Variants in RUNX2 observed in about 807,000 individuals in gnomAD.
RUNX2 encodes RUNX family transcription factor 2.
RUNX2 carries 10 observed loss-of-function variants against 51.7 expected under a neutral mutation model. That is an observed-to-expected ratio of 0.19 (90% CI 0.12 to 0.33). The LOEUF (loss-of-function observed/expected upper bound fraction) is 0.33, where lower values mean the gene tolerates loss of function less well. RUNX2 is among the 10% of genes least tolerant of loss of function. The pLI is 1.00. For synonymous variants in RUNX2, 276 were observed against 273.6 expected (o/e 1.01, Z -0.09); for missense variants, 562 against 691.3 (o/e 0.81, Z 2.10).
At chr6:45,443,345 C>A (rs1798896307) in intron 5 of RUNX2, among the ~76,000 whole-genome samples, 2 of 152,022 alleles carry the variant, frequency 1.3e-5, no homozygotes, top group African/African-American at 2.4e-5. Flanking sequence ...GCCACTGCAC[C>A]CAAGGATGTT....
intron 5 of RUNX2, among the ~76,000 whole-genome samples, chr6:45,476,998 A>C (rs1472309321): frequency 6.6e-6 from 1 of 152,162 alleles, no homozygotes; most frequent in Non-Finnish European, 1.5e-5. Context: ...ATGGGTATGG[A>C]ATGAATGAAG....
chr6:45,390,197 G>A (rs1243491688), intron 2 of RUNX2, among the ~76,000 whole-genome samples: 1 of 152,124 alleles, frequency 6.6e-6, no homozygotes, highest in Non-Finnish European at 1.5e-5. Flanking sequence ...TGGCTTCTCA[G>A]TAATGTGATA....
chr6:45,337,536 G>T (rs1270493369), intron 2 of RUNX2, among the ~76,000 whole-genome samples: 1 of 151,730 alleles, frequency 6.6e-6, no homozygotes, highest in African/African-American at 2.4e-5. Flanking sequence ...AAGTTCTTTT[G>T]CTACGCCATA....
At chr6:45,443,732 T>C (rs149922679) in intron 5 of RUNX2, among the ~76,000 whole-genome samples, 4 of 152,322 alleles carry the variant, frequency 2.6e-5, no homozygotes, top group African/African-American at 7.2e-5. Context: ...TGGTGCTTGG[T>C]ATTAGCAGAT....
At chr6:45,494,144 C>T (rs1800569972) in intron 6 of RUNX2, among the ~76,000 whole-genome samples, 1 of 152,144 alleles carries the variant, frequency 6.6e-6, no homozygotes, top group African/African-American at 2.4e-5. Flanking sequence ...TAGTAGCATC[C>T]CCGCCTAGCA....
At chr6:45,348,211 A>G (rs930173362) in intron 2 of RUNX2, among the ~76,000 whole-genome samples, 3 of 152,140 alleles carry the variant, frequency 2.0e-5, no homozygotes, top group African/African-American at 4.8e-5. Context: ...ATAGCAGTTA[A>G]AAGTCTGACT....
intron 2 of RUNX2, among the ~76,000 whole-genome samples, chr6:45,352,103 T>C (rs1290542607): frequency 6.6e-6 from 1 of 152,172 alleles, no homozygotes; most frequent in East Asian, 1.9e-4. Flanking sequence ...TGAAAATAAA[T>C]ATTACCTGAC....
At chr6:45,503,810 T>C (rs1800870691) in intron 6 of RUNX2, among the ~76,000 whole-genome samples, 2 of 152,356 alleles carry the variant, frequency 1.3e-5, no homozygotes, top group South Asian at 4.1e-4. Flanking sequence ...GTGCTTCTCA[T>C]CACCTTGTCT....
chr6:45,403,108 A>T (rs1797750358), intron 2 of RUNX2, among the ~76,000 whole-genome samples: 1 of 152,160 alleles, frequency 6.6e-6, no homozygotes, highest in Non-Finnish European at 1.5e-5. Context: ...TAAAGATCCA[A>T]GTTCATTACA....
At chr6:45,510,498 G>T (rs1801107978) in intron 6 of RUNX2, among the ~76,000 whole-genome samples, 1 of 152,108 alleles carries the variant, frequency 6.6e-6, no homozygotes, top group African/African-American at 2.4e-5. Context: ...GAACTAAACT[G>T]CTGTGACTGT....
chr6:45,452,520 T>G (rs1188071102), intron 5 of RUNX2, among the ~76,000 whole-genome samples: 1 of 152,210 alleles, frequency 6.6e-6, no homozygotes, highest in Non-Finnish European at 1.5e-5. Context: ...TAAGTTTATT[T>G]TTTAATTCAT....
intron 2 of RUNX2, among the ~76,000 whole-genome samples, chr6:45,397,011 G>A (rs1017445437): frequency 6.6e-6 from 1 of 151,996 alleles, no homozygotes; most frequent in Non-Finnish European, 1.5e-5. Flanking sequence ...GTAGATATGT[G>A]TATAGTATAT....
chr6:45,504,259 G>C (rs1241224801), intron 6 of RUNX2, among the ~76,000 whole-genome samples: 1 of 152,216 alleles, frequency 6.6e-6, no homozygotes, highest in Non-Finnish European at 1.5e-5. Context: ...CATGGCTTCA[G>C]TCATTTCTGA....
At chr6:45,515,234 T>C (rs1467958906) in intron 7 of RUNX2, among the ~76,000 whole-genome samples, 2 of 152,208 alleles carry the variant, frequency 1.3e-5, no homozygotes, top group Non-Finnish European at 2.9e-5. Flanking sequence ...AATTCTTCAC[T>C]TCACAGTAGG....
intron 2 of RUNX2, among the ~76,000 whole-genome samples, chr6:45,404,239 G>A (rs1384287581): frequency 3.0e-5 from 3 of 100,834 alleles, no homozygotes; most frequent in South Asian, 3.5e-4. Flanking sequence ...CAGCCTGGAT[G>A]ACAGAGCAAG....
chr6:45,410,207 A>G (rs2144474), intron 2 of RUNX2, among the ~76,000 whole-genome samples: 378 of 152,344 alleles, frequency 2.5e-3, no homozygotes, highest in Non-Finnish European at 4.1e-3. Context: ...TTCTAAAAAG[A>G]GAATGCCGAT....
At position 45,549,968 on chromosome 6, in the gene RUNX2, G is replaced by C. The variant is rs1425701013; in HGVS notation, c.*2663G>C. The C allele has an allele frequency of 1.3e-5, 2 of 150,350 alleles. No individual in the cohort carries two copies. Among genetic ancestry groups the C allele is most frequent in the African/African-American group, 2.5e-5 (1 of 40,756 alleles). The allele number at this position is 150,350 out of a possible 1,614,324, so 9.3% of individuals were successfully genotyped here. A position where few individuals can be genotyped will look rare whatever the true frequency, so the allele number is the denominator to read the frequency against. On this transcript the variant is annotated 3_prime_UTR_variant, in exon 9 of 9. Transcript: ENST00000647337. Reference sequence around the variant, plus strand: ...CTTAGAACAAATTCTGCCCTTTTTTGGTCTAGGGATTAAAATTTTGTTTTT... The same window carrying C: ...CTTAGAACAAATTCTGCCCTTTTTTCGTCTAGGGATTAAAATTTTGTTTTT...
At chr6:45,425,437 A>G (rs2894641) in intron 3 of RUNX2, among the ~76,000 whole-genome samples, 25,852 of 152,228 alleles carry the variant, frequency 0.17, 2,717 homozygotes, top group Non-Finnish European at 0.25. Flanking sequence ...ACATTTTTGT[A>G]TCTTAAGCAG....
chr6:45,483,941 C>T (rs1800190857), intron 5 of RUNX2, among the ~76,000 whole-genome samples: 1 of 152,198 alleles, frequency 6.6e-6, no homozygotes, highest in Non-Finnish European at 1.5e-5. Flanking sequence ...CCATATTTTC[C>T]AGGTCCTTAT....
Sources: allele counts gnomAD v4.1 joint callset (sites outside exome capture counted in the v4.1 genomes callset), GRCh38; gene constraint gnomAD v4.1.1; transcripts MANE v1.5; gene names NCBI Gene and HGNC (gene_info 2026-07-23, HGNC 2026-07-21).